The following SLC25A12 variants were observed in gnomAD, a reference collection of about 807,000 sequenced individuals.
The protein encoded by SLC25A12 is solute carrier family 25 member 12.
In SLC25A12, 32 loss-of-function variants were observed where a neutral mutation model predicts 83.3. That is an observed-to-expected ratio of 0.38 (90% CI 0.29 to 0.52). SLC25A12 has a LOEUF of 0.52. Ranked by LOEUF, SLC25A12 falls within the 20% of genes least tolerant of loss-of-function variation. The probability of loss-of-function intolerance (pLI) is 0.84; values close to 1 mark genes in which losing one functional copy is unlikely to be tolerated. For missense variants in SLC25A12, 611 were observed against 835.6 expected (o/e 0.73, Z 3.31); for synonymous variants, 267 against 291.1 (o/e 0.92, Z 0.84).
intron 13 of SLC25A12, among the ~76,000 whole-genome samples, chr2:171,794,697 T>C (rs1013959597): frequency 4.6e-5 from 7 of 151,948 alleles, no homozygotes; most frequent in Non-Finnish European, 1.0e-4. Flanking sequence ...AAATAAAATA[T>C]ATATCTCCTT....
Position 171,868,775 on chromosome 2 carries a change from A to T in SLC25A12, c.115T>A (p.Phe39Ile). Reference protein sequence around the residue: ...DGERYMTPEDFVQRYLGLYND... With the variant: ...DGERYMTPEDIVQRYLGLYND... ...TACAGTCCAAGATAGCGCTGAACAA[A>T]GTCTTCTGGGGTCATATAACGCTCT... The change falls in exon 3 of 18, where the codon TTT (phenylalanine) becomes ATT (isoleucine). Residue 39 changes from phenylalanine to isoleucine, a missense_variant. By Grantham distance (21) the Phe-to-Ile change is conservative (BLOSUM62 0). This residue lies in a region of SLC25A12 where 540 missense variants were observed against 777.5 expected (regional missense o/e 0.69). Transcript: ENST00000422440. 1 of 1,613,584 alleles carries T rather than the reference A, an allele frequency of 6.2e-7. No individual in the cohort carries two copies. The highest frequency in any genetic ancestry group is 8.5e-7 in the Non-Finnish European group (1 of 1,179,476).
chr2:171,791,700 A>C, intron 14 of SLC25A12, 111 bp from the exon 15 acceptor site: 1 of 992,818 alleles, frequency 1.0e-6, no homozygotes, highest in Non-Finnish European at 1.6e-6. Flanking sequence ...CCTCAGTGAC[A>C]AGCCTGAGGT....
Position 171,787,676 on chromosome 2 carries a change from CA to C in SLC25A12, c.1745-16del. On this transcript the variant is annotated splice_polypyrimidine_tract_variant and intron_variant, in intron 16 of 17. Transcript: ENST00000422440. ...AAACACTCGAGCTGAAAAAGAGAAG[CA>C]GGGGCAGGGGAGACTTGAAACCAGG... The C allele has an allele frequency of 6.2e-7, 1 of 1,612,418 alleles. No individual in the cohort carries two copies. Among genetic ancestry groups the C allele is most frequent in the Non-Finnish European group, 8.5e-7 (1 of 1,178,498 alleles).
chr2:171,869,041 G>C (rs1408119347), intron 2 of SLC25A12, among the ~76,000 whole-genome samples: 1 of 152,128 alleles, frequency 6.6e-6, no homozygotes, highest in African/African-American at 2.4e-5. Context: ...TAGGAACCTT[G>C]AAAACATTAT....
At chr2:171,859,325 A>C (rs1421880624) in intron 3 of SLC25A12, among the ~76,000 whole-genome samples, 1 of 152,188 alleles carries the variant, frequency 6.6e-6, no homozygotes, top group African/African-American at 2.4e-5. Context: ...GTCAAAAATC[A>C]GCCTGTTATG....
chr2:171,846,753 C>CCAAG (rs1684805476), intron 4 of SLC25A12, among the ~76,000 whole-genome samples: 1 of 152,102 alleles, frequency 6.6e-6, no homozygotes, highest in South Asian at 2.1e-4. Context: ...TTGCAGTGAG[C>CCAAG]CAAGATTGCG....
intron 9 of SLC25A12, among the ~76,000 whole-genome samples, chr2:171,817,616 A>AAAAAAAAAAAAG (rs1684081820): frequency 6.6e-6 from 1 of 151,400 alleles, no homozygotes; most frequent in Non-Finnish European, 1.5e-5. Context: ...AAAAAAAAAA[A>AAAAAAAAAAAAG]AAAAAAATGT....
intron 13 of SLC25A12, among the ~76,000 whole-genome samples, chr2:171,799,644 G>T (rs1373794407): frequency 6.6e-6 from 1 of 152,150 alleles, no homozygotes; most frequent in African/African-American, 2.4e-5. Flanking sequence ...AAGATTCTAG[G>T]TTTGGAAGAC....
At chr2:171,875,139 T>C (rs540918290) in intron 2 of SLC25A12, among the ~76,000 whole-genome samples, 4 of 152,312 alleles carry the variant, frequency 2.6e-5, no homozygotes, top group African/African-American at 9.6e-5. Flanking sequence ...CTTCAGCCTC[T>C]GATAGGTTGC....
At chr2:171,832,559 C>G (rs772687268) in intron 8 of SLC25A12, among the ~76,000 whole-genome samples, 2 of 152,150 alleles carry the variant, frequency 1.3e-5, no homozygotes, top group Non-Finnish European at 2.9e-5. Flanking sequence ...AACATAGCTC[C>G]CAATAACCAG....
chr2:171,802,602 C>T (rs941199873), intron 13 of SLC25A12, among the ~76,000 whole-genome samples: 5 of 152,014 alleles, frequency 3.3e-5, no homozygotes, highest in Admixed American at 2.6e-4. Context: ...CGGTGAAACC[C>T]CGTCTCTACT....
intron 2 of SLC25A12, among the ~76,000 whole-genome samples, chr2:171,874,981 G>C (rs908617198): frequency 6.6e-6 from 1 of 152,178 alleles, no homozygotes; most frequent in Non-Finnish European, 1.5e-5. Flanking sequence ...ACGGCAGATG[G>C]GAAATTGGCT....
At chr2:171,821,563 ATG>A (rs1232433030) in intron 9 of SLC25A12, among the ~76,000 whole-genome samples, 1 of 152,136 alleles carries the variant, frequency 6.6e-6, no homozygotes, top group Non-Finnish European at 1.5e-5. Flanking sequence ...TGCAGTTTTA[ATG>A]TGTGTTTTCT....
At chr2:171,862,876 GAAA>G in intron 3 of SLC25A12, among the ~76,000 whole-genome samples, 2 of 10,280 alleles carry the variant, frequency 1.9e-4, no homozygotes, top group Non-Finnish European at 1.4e-3. Context: ...GTAGAAAATA[GAAA>G]GAGGGAGAAA....
chr2:171,881,030 AAT>A (rs1272855221), intron 2 of SLC25A12, among the ~76,000 whole-genome samples: 1 of 152,242 alleles, frequency 6.6e-6, no homozygotes, highest in African/African-American at 2.4e-5. Flanking sequence ...CTGAGGATTA[AAT>A]ATGATGATTT....
At chr2:171,885,364 T>G (rs1451263062) in intron 2 of SLC25A12, among the ~76,000 whole-genome samples, 6 of 151,550 alleles carry the variant, frequency 4.0e-5, no homozygotes, top group Non-Finnish European at 5.9e-5. Flanking sequence ...CTCTATATAG[T>G]TTATGTTAAA....
intron 2 of SLC25A12, among the ~76,000 whole-genome samples, chr2:171,874,798 C>T (rs1685529850): frequency 6.6e-6 from 1 of 152,176 alleles, no homozygotes; most frequent in Non-Finnish European, 1.5e-5. Flanking sequence ...TCAAATATCA[C>T]ATGTTCTCTT....
At chr2:171,873,902 A>T (rs1406584653) in intron 2 of SLC25A12, among the ~76,000 whole-genome samples, 1 of 152,118 alleles carries the variant, frequency 6.6e-6, no homozygotes, top group Non-Finnish European at 1.5e-5. Flanking sequence ...GTACATACAC[A>T]CAAGTATACA....
rs756969112 is a variant in SLC25A12, at chr2:171,787,936, C to T, written c.1597G>A (p.Ala533Thr). 6.2e-7 allele frequency: 1 copy of T among 1,614,224 alleles called. No individual in the cohort carries two copies. Among genetic ancestry groups the T allele is most frequent in the Non-Finnish European group, 8.5e-7 (1 of 1,180,030 alleles). ...AAGAMAGVPA[A>T]SLVTPADVIK... ...ACATCAGCAGGGGTCACCAGAGATG[C>T]AGCTGGGACACCTTTCAGGAGAAAA... Residue 533 changes from alanine (A) to threonine (T), a missense_variant, in exon 16 of 18, where the codon GCA becomes ACA. Around this residue, in one of 3 missense-constraint regions of SLC25A12, gnomAD observed 540 missense variants for 777.5 expected, o/e 0.69. Coordinates refer to ENST00000422440, the MANE Select transcript of SLC25A12 (RefSeq NM_003705.5).
Sources: allele counts gnomAD v4.1 joint callset (sites outside exome capture counted in the v4.1 genomes callset), GRCh38; gene constraint gnomAD v4.1.1; regional missense constraint gnomAD v4.1.1; transcripts MANE v1.5; gene names NCBI Gene and HGNC (gene_info 2026-07-23, HGNC 2026-07-21).